ADAMTS16: variants seen among roughly 807,000 people sequenced by gnomAD.
The protein encoded by ADAMTS16 is A disintegrin and metalloproteinase with thrombospondin motifs 16.
Under a neutral mutation model 145.8 loss-of-function variants are expected in ADAMTS16, and 94 were observed. The ratio of observed to expected loss-of-function variants is 0.64; its 90% CI spans 0.55 to 0.77. The LOEUF (loss-of-function observed/expected upper bound fraction) is 0.77, where lower values mean the gene tolerates loss of function less well. ADAMTS16 is among the 30% of genes least tolerant of loss of function. The pLI, the probability that ADAMTS16 is intolerant of heterozygous loss-of-function variation, is 0.00. For missense variants in ADAMTS16, 1,585 were observed against 1,591.5 expected (o/e 1.00, Z 0.07); for synonymous variants, 659 against 604.3 (o/e 1.09, Z -1.33).
rs866322818 is a variant in ADAMTS16 at position 5,168,697 on chromosome 5, T to A, written c.502-13347T>A. Among the ~76,000 whole-genome samples, 39 of 119,624 alleles carry A rather than the reference T, an allele frequency of 3.3e-4. 1 individual carries two copies. The South Asian group carries it at 6.7e-3, about 21-fold the overall frequency. 78.5% of individuals were successfully genotyped at this position (119,624 alleles called of 152,430 possible). A position where few individuals can be genotyped will look rare whatever the true frequency, so the allele number is the denominator to read the frequency against. ...AATTATAATTATATAATTATATAAA[T>A]ATAATATATAATAATTATAATTTTA... On this transcript the variant is annotated intron_variant, in intron 3 of 22. Transcript: ENST00000274181.
intron 10 of ADAMTS16, among the ~76,000 whole-genome samples, chr5:5,217,165 T>C (rs1349429509): frequency 1.3e-5 from 2 of 151,940 alleles, no homozygotes; most frequent in African/African-American, 2.4e-5. Context: ...AAGCTGAAAC[T>C]GGATCCCTTC....
chr5:5,155,216 T>C (rs974366843), intron 3 of ADAMTS16, among the ~76,000 whole-genome samples: 4 of 151,948 alleles, frequency 2.6e-5, no homozygotes, highest in African/African-American at 7.2e-5. Context: ...GGAAGCCCAC[T>C]GGGACAGACA....
chr5:5,268,432 G>A (rs960505316), intron 18 of ADAMTS16, among the ~76,000 whole-genome samples: 3 of 152,188 alleles, frequency 2.0e-5, no homozygotes, highest in African/African-American at 4.8e-5. Flanking sequence ...CACAGCTACT[G>A]CAACTGCGAC....
rs1740401776 is a variant in ADAMTS16 at position 5,310,941 on chromosome 5, A to G, written c.3411+4213A>G. 6.6e-6 allele frequency among the ~76,000 whole-genome samples: 1 copy of G among 152,128 alleles called. No individual in the cohort carries two copies. The highest frequency in any genetic ancestry group is 2.4e-5 in the African/African-American group (1 of 41,424). ...CCTTCTTTCACTTTATATGCTGCAG[A>G]GCCCTAGCCCAGAGCCACGAGGACC... On this transcript the variant is annotated intron_variant, in intron 21 of 22. Transcript: ENST00000274181. The surrounding 1 kb of genome is among the most constrained non-coding windows in gnomAD (Gnocchi z 4.3).
intron 18 of ADAMTS16, among the ~76,000 whole-genome samples, chr5:5,301,359 A>G (rs1739761807): frequency 1.3e-5 from 2 of 152,194 alleles, no homozygotes; most frequent in African/African-American, 4.8e-5. Context: ...CTGGGATTAC[A>G]GGCGTGAGCT....
intron 18 of ADAMTS16, among the ~76,000 whole-genome samples, chr5:5,297,881 C>T (rs1739611142): frequency 6.6e-6 from 1 of 152,218 alleles, no homozygotes; most frequent in Admixed American, 6.5e-5. Context: ...TTGGGTTTCA[C>T]AAATCGGGCA....
chr5:5,239,259 C>A lies in ADAMTS16; in HGVS notation c.2263C>A (p.His755Asn). Residue 755 changes from histidine (H) to asparagine (N), a missense_variant, in exon 15 of 23, where the codon CAC becomes AAC. Around this residue, in one of 3 missense-constraint regions of ADAMTS16, gnomAD observed 834 missense variants for 811.7 expected, o/e 1.03. Coordinates refer to ENST00000274181, the MANE Select transcript of ADAMTS16 (RefSeq NM_139056.4). ...GATTCACAGGGGTCTCTACACCAAG[C>A]ACCACCACACCAACCGTGAGTACTT... ...CTIHRGLYTK[H>N]HHTNQYYHMV... is the part of the protein sequence containing the mutation. The A allele has an allele frequency of 6.4e-7, 1 of 1,572,956 alleles. No individual in the cohort carries two copies. Among genetic ancestry groups the A allele is most frequent in the Non-Finnish European group, 8.6e-7 (1 of 1,163,904 alleles).
intron 9 of ADAMTS16, 69 bp from the exon 10 acceptor site, chr5:5,209,024 A>G: frequency 2.7e-6 from 4 of 1,507,074 alleles, no homozygotes; most frequent in Non-Finnish European, 2.7e-6. Flanking sequence ...GGAGAAAGGC[A>G]TAATTAGTTG....
intron 14 of ADAMTS16, among the ~76,000 whole-genome samples, chr5:5,237,427 G>A (rs191446133): frequency 6.6e-6 from 1 of 152,260 alleles, no homozygotes; most frequent in East Asian, 1.9e-4. Flanking sequence ...AAAATAGAGA[G>A]GGGACGTGGT....
intron 3 of ADAMTS16, among the ~76,000 whole-genome samples, chr5:5,157,766 T>C (rs559450601): frequency 3.3e-5 from 5 of 152,230 alleles, no homozygotes; most frequent in African/African-American, 1.2e-4. Context: ...CAAGAGCTTT[T>C]CCTTCAATGT....
chr5:5,279,191 C>A (rs1217423774), intron 18 of ADAMTS16, among the ~76,000 whole-genome samples: 2 of 152,214 alleles, frequency 1.3e-5, no homozygotes, highest in African/African-American at 2.4e-5. Context: ...ATGCTGAACA[C>A]CCTGTTTGTG....
chr5:5,237,917 A>G (rs1425765389), intron 14 of ADAMTS16, among the ~76,000 whole-genome samples: 1 of 152,226 alleles, frequency 6.6e-6, no homozygotes, highest in African/African-American at 2.4e-5. Context: ...GTGTTAGCAG[A>G]TCAAACACAT....
intron 3 of ADAMTS16, among the ~76,000 whole-genome samples, chr5:5,181,810 T>C (rs2126559411): frequency 6.6e-6 from 1 of 152,188 alleles, no homozygotes; most frequent in East Asian, 1.9e-4. Flanking sequence ...CTGGAGCAGC[T>C]CCACGCCAGC....
intron 17 of ADAMTS16, among the ~76,000 whole-genome samples, chr5:5,249,752 G>A (rs1737563758): frequency 6.6e-6 from 1 of 152,186 alleles, no homozygotes; most frequent in South Asian, 2.1e-4. Context: ...AGGGTCAGGT[G>A]ACAGCCTTTT....
At chr5:5,227,557 G>A (rs1736805874) in intron 11 of ADAMTS16, among the ~76,000 whole-genome samples, 1 of 149,646 alleles carries the variant, frequency 6.7e-6, no homozygotes, top group African/African-American at 2.5e-5. Context: ...GTCTCTACAT[G>A]CACTTATATT....
At chr5:5,237,747 G>A (rs919937563) in intron 14 of ADAMTS16, among the ~76,000 whole-genome samples, 2 of 152,126 alleles carry the variant, frequency 1.3e-5, no homozygotes, top group Admixed American at 1.3e-4. Context: ...CAGCAACATA[G>A]AGCAGCTACA....
At chr5:5,198,585 T>C (rs1266896086) in intron 8 of ADAMTS16, among the ~76,000 whole-genome samples, 1 of 152,214 alleles carries the variant, frequency 6.6e-6, no homozygotes, top group African/African-American at 2.4e-5. Flanking sequence ...TTGCTGTCTT[T>C]ATATTAAAGC....
At chr5:5,170,348 C>A (rs947108288) in intron 3 of ADAMTS16, among the ~76,000 whole-genome samples, 5 of 151,948 alleles carry the variant, frequency 3.3e-5, no homozygotes, top group Non-Finnish European at 7.4e-5. Context: ...CTATTCATAT[C>A]TTTTGCCCAT....
At chr5:5,284,961 A>G (rs529773240) in intron 18 of ADAMTS16, among the ~76,000 whole-genome samples, 22 of 152,238 alleles carry the variant, frequency 1.4e-4, no homozygotes, top group Non-Finnish European at 2.5e-4. Flanking sequence ...TGAGTGCTTT[A>G]TGGAACCAAT....
Sources: gnomAD v4.1 joint callset for allele counts (sites outside exome capture counted in the v4.1 genomes callset) on GRCh38, gnomAD v4.1.1 for gene constraint, gnomAD v4.1.1 regional missense constraint, Gnocchi (gnomAD v3.1) non-coding constraint, MANE v1.5 for transcripts, NCBI Gene and HGNC (gene_info 2026-07-23, HGNC 2026-07-21) for gene names.